The following COL24A1 variants were observed in gnomAD, a reference collection of about 807,000 sequenced individuals.
COL24A1 encodes the protein collagen alpha-1(XXIV) chain.
A neutral mutation model predicts 253.9 loss-of-function variants in COL24A1; 224 were observed. The observed-to-expected ratio is 0.88, with a 90% CI of 0.79 to 0.99. The LOEUF is 0.99. Ranked by LOEUF, COL24A1 falls within the 50% of genes least tolerant of loss-of-function variation. The pLI, the probability that COL24A1 is intolerant of heterozygous loss-of-function variation, is 0.00. For missense variants in COL24A1, 2,131 were observed against 2,068.5 expected (o/e 1.03, Z -0.59); for synonymous variants, 685 against 673.7 (o/e 1.02, Z -0.26).
intron 43 of COL24A1, among the ~76,000 whole-genome samples, chr1:85,828,040 G>T (rs867008393): frequency 2.0e-5 from 3 of 151,876 alleles, no homozygotes; most frequent in South Asian, 4.1e-4. Context: ...ATCTTTCCTG[G>T]TTTCTCTTCT....
At chr1:86,038,798 T>C (rs61800727) in intron 12 of COL24A1, among the ~76,000 whole-genome samples, 19,837 of 151,908 alleles carry the variant, frequency 0.13, 1,425 homozygotes, top group Middle Eastern at 0.24. Context: ...AGGCCTCCCA[T>C]CAACAACTAG....
chr1:85,787,520 T>C (rs1207047559), intron 47 of COL24A1, among the ~76,000 whole-genome samples: 2 of 152,216 alleles, frequency 1.3e-5, no homozygotes, highest in Non-Finnish European at 1.5e-5. Context: ...GCTCCATCTA[T>C]ATCCCTGCAA....
intron 37 of COL24A1, among the ~76,000 whole-genome samples, chr1:85,855,427 T>C (rs1458256221): frequency 7.9e-5 from 12 of 152,194 alleles, no homozygotes; most frequent in Admixed American, 2.0e-4. Flanking sequence ...TTGAGGCACG[T>C]TGAATTTTAT....
chr1:85,942,118 C>T (rs1400225206), intron 24 of COL24A1, among the ~76,000 whole-genome samples: 1 of 152,168 alleles, frequency 6.6e-6, no homozygotes, highest in African/African-American at 2.4e-5. Flanking sequence ...TTTCAAGAGA[C>T]TGCCTTTCTT....
intron 28 of COL24A1, among the ~76,000 whole-genome samples, chr1:85,899,955 C>T (rs1558582074): frequency 6.6e-6 from 1 of 152,020 alleles, no homozygotes; most frequent in Admixed American, 6.6e-5. Flanking sequence ...AATATTTTTT[C>T]AAATGTTAAA....
chr1:85,860,448 G>A (rs997346625), intron 37 of COL24A1, among the ~76,000 whole-genome samples: 1 of 152,066 alleles, frequency 6.6e-6, no homozygotes, highest in African/African-American at 2.4e-5. Context: ...TCATATAAAA[G>A]TACAATATGT....
chr1:85,927,546 G>T (rs1026499544), intron 24 of COL24A1, among the ~76,000 whole-genome samples: 12 of 127,352 alleles, frequency 9.4e-5, no homozygotes, highest in Non-Finnish European at 1.5e-4. Context: ...GGTAAACAAA[G>T]CAGCCAGGAA....
intron 57 of COL24A1, among the ~76,000 whole-genome samples, chr1:85,740,037 C>T (rs1318437026): frequency 6.6e-6 from 1 of 152,142 alleles, no homozygotes; most frequent in African/African-American, 2.4e-5. Context: ...CTTAAAAATC[C>T]ACAGTCCTTT....
rs556356895 is a variant in COL24A1, at chr1:85,935,733, G to A, written c.2563-24300C>T. On this transcript the variant is annotated intron_variant, in intron 24 of 59. Transcript: ENST00000370571. ...GGCTTGACTGACAGTTTATTAATTCGGGAGCACTTTCCAAGTATCAGACTG... is the reference window on the plus strand; with the variant it reads ...GGCTTGACTGACAGTTTATTAATTCAGGAGCACTTTCCAAGTATCAGACTG... 4.1e-5 allele frequency among the ~76,000 whole-genome samples: 6 copies of A among 146,900 alleles called. 1 individual carries two copies. Among genetic ancestry groups the A allele is most frequent in the Admixed American group, 2.0e-4 (3 of 14,660 alleles).
chr1:85,927,504 G>T (rs1236015619), intron 24 of COL24A1, among the ~76,000 whole-genome samples: 1 of 130,614 alleles, frequency 7.7e-6, no homozygotes, highest in African/African-American at 2.9e-5. Context: ...GAGGCTGGGG[G>T]AGGGGCGCCC....
At position 85,770,308 on chromosome 1, in the gene COL24A1, GA is replaced by G. The variant is rs11406937; in HGVS notation, c.4374+5365del. ...GAGTCTCAAGCATACCCTAAGATGA[GA>G]AAAAAAAAAATCTCAGCTGTGACTA... On this transcript the variant is annotated intron_variant, in intron 53 of 59. Coordinates refer to ENST00000370571, the MANE Select transcript of COL24A1 (RefSeq NM_152890.7). Among the ~76,000 whole-genome samples, 469 of 149,778 alleles carry G rather than the reference GA, an allele frequency of 3.1e-3. 2 individuals are homozygous for G. Among genetic ancestry groups the G allele is most frequent in the Middle Eastern group, 0.017 (5 of 288 alleles).
chr1:85,967,730 C>T (rs959827297), intron 22 of COL24A1, among the ~76,000 whole-genome samples: 17 of 152,106 alleles, frequency 1.1e-4, no homozygotes, highest in African/African-American at 2.7e-4. Context: ...ATAAAGATCA[C>T]GCAACCTAGA....
At chr1:85,910,643 T>C (rs1039930488) in intron 25 of COL24A1, among the ~76,000 whole-genome samples, 10 of 151,958 alleles carry the variant, frequency 6.6e-5, no homozygotes, top group Admixed American at 1.3e-4. Flanking sequence ...GTTACATTGT[T>C]AGTAAAAAAT....
chr1:86,071,920 C>G (rs1701904372), intron 7 of COL24A1, among the ~76,000 whole-genome samples: 1 of 152,116 alleles, frequency 6.6e-6, no homozygotes, highest in African/African-American at 2.4e-5. Context: ...AGGGAACTCC[C>G]TCCCCTAGCC....
chr1:86,038,870 T>C (rs923454340), intron 12 of COL24A1, among the ~76,000 whole-genome samples: 3 of 152,094 alleles, frequency 2.0e-5, no homozygotes, highest in Non-Finnish European at 4.4e-5. Flanking sequence ...CAGTCAAGCC[T>C]TCAGATGACA....
intron 5 of COL24A1, among the ~76,000 whole-genome samples, chr1:86,093,556 A>G (rs1703667363): frequency 1.3e-5 from 2 of 152,124 alleles, no homozygotes; most frequent in African/African-American, 4.8e-5. Flanking sequence ...AACCTAGGCA[A>G]TATGATTTAG....
chr1:86,103,710 C>T (rs900471771), intron 5 of COL24A1, among the ~76,000 whole-genome samples: 3 of 152,146 alleles, frequency 2.0e-5, no homozygotes, highest in Non-Finnish European at 4.4e-5. Context: ...ATATTGGCCC[C>T]CAGTCTCTTC....
intron 2 of COL24A1, among the ~76,000 whole-genome samples, chr1:86,128,833 T>C (rs1384126419): frequency 1.3e-5 from 2 of 151,914 alleles, no homozygotes; most frequent in African/African-American, 4.8e-5. Context: ...ATCTTATTAG[T>C]TTTACGTTAT....
At chr1:86,060,194 TTAA>T (rs1162869031) in intron 8 of COL24A1, among the ~76,000 whole-genome samples, 1 of 152,118 alleles carries the variant, frequency 6.6e-6, no homozygotes, top group African/African-American at 2.4e-5. Flanking sequence ...AACTTTTTTT[TTAA>T]AAAAGACTCT....
Sources: allele counts gnomAD v4.1 joint callset (sites outside exome capture counted in the v4.1 genomes callset), GRCh38; gene constraint gnomAD v4.1.1; transcripts MANE v1.5; gene names NCBI Gene and HGNC (gene_info 2026-07-23, HGNC 2026-07-21).